The following TBC1D8B variants were observed in gnomAD, a reference collection of about 807,000 sequenced individuals.
The protein encoded by TBC1D8B is TBC1 domain family member 8B, also known as RP11-321G1.1.
In TBC1D8B, 75 loss-of-function variants were observed where a neutral mutation model predicts 82.9. The ratio of observed to expected loss-of-function variants is 0.90; its 90% CI spans 0.75 to 1.10. The LOEUF (loss-of-function observed/expected upper bound fraction) is 1.10, where lower values mean the gene tolerates loss of function less well. Among genes scored for constraint, TBC1D8B ranks in the 50% least tolerant of loss-of-function variants. The pLI, the probability that TBC1D8B is intolerant of heterozygous loss-of-function variation, is 0.00. For synonymous variants in TBC1D8B, 276 were observed against 276.8 expected, an observed-to-expected ratio of 1.00 and a Z score of 0.03; for missense variants, 794 against 796.9, an observed-to-expected ratio of 1.00 and a Z score of 0.04.
chrX:106,804,965 G>C (rs189601898), intron 1 of TBC1D8B, among the ~76,000 whole-genome samples: 1 of 108,766 alleles, frequency 9.2e-6, no homozygotes, highest in Non-Finnish European at 1.9e-5. Flanking sequence ...ATTTATTTTC[G>C]TTCCTCATAC....
chrX:106,865,679 G>T (rs992268457), intron 15 of TBC1D8B, 52 bp downstream of exon 15: 9 of 1,092,145 alleles, frequency 8.2e-6, no homozygotes, highest in African/African-American at 1.8e-5. Context: ...TAGCAGAATT[G>T]TATCACAGCC....
chrX:106,864,802 G>A (rs1210814156), intron 14 of TBC1D8B, among the ~76,000 whole-genome samples: 2 of 111,613 alleles, frequency 1.8e-5, no homozygotes, highest in Non-Finnish European at 3.8e-5. Context: ...ACAGGCATGA[G>A]CCACCATTCC....
At chrX:106,824,551 C>G (rs1931783618) in intron 5 of TBC1D8B, among the ~76,000 whole-genome samples, 1 of 111,148 alleles carries the variant, frequency 9.0e-6, no homozygotes, top group Non-Finnish European at 1.9e-5. Context: ...GATTAAGAAT[C>G]CTGTTTGTAT....
chrX:106,864,977 T>C (rs977930846), intron 14 of TBC1D8B, among the ~76,000 whole-genome samples: 6 of 112,518 alleles, frequency 5.3e-5, no homozygotes, highest in Non-Finnish European at 9.4e-5. Flanking sequence ...TACCGGGTTT[T>C]TTTAATTTTC....
rs749148459 is a variant in TBC1D8B at position 106,823,370 on chromosome X, T to C, written c.731T>C (p.Met244Thr). ...FLHINQTYLL[M>T]EQLANYAIRR... is the part of the protein sequence containing the mutation. ...CACATTAACCAAACATACCTTCTTATGGAACAGCTGGCAAACTATGCCATT... is the reference window on the plus strand; with the variant it reads ...CACATTAACCAAACATACCTTCTTACGGAACAGCTGGCAAACTATGCCATT... Residue 244 changes from methionine (M) to threonine (T), a missense_variant, in exon 5 of 21, where the codon ATG (methionine) becomes ACG (threonine). By Grantham distance (81) the Met-to-Thr change is moderately conservative. Coordinates refer to ENST00000357242, the MANE Select transcript of TBC1D8B (RefSeq NM_017752.3). 9 of 1,208,920 alleles carry C rather than the reference T, an allele frequency of 7.4e-6. No individual in the cohort carries two copies. The highest frequency in any genetic ancestry group is 8.9e-6 in the Non-Finnish European group (8 of 894,499).
intron 10 of TBC1D8B, 45 bp from the exon 11 acceptor site, chrX:106,848,141 C>T (rs769810274): frequency 8.8e-6 from 8 of 905,170 alleles, no homozygotes; most frequent in African/African-American, 2.0e-5. Flanking sequence ...ATAATTATTA[C>T]TTGAGCAATA....
chrX:106,843,175 C>A (rs1932357476), intron 10 of TBC1D8B, among the ~76,000 whole-genome samples: 1 of 110,798 alleles, frequency 9.0e-6, no homozygotes, highest in African/African-American at 3.3e-5. Flanking sequence ...TTTTTATGGA[C>A]ATTGCTTTAT....
At chrX:106,823,747 A>G (rs1417875151) in intron 5 of TBC1D8B, among the ~76,000 whole-genome samples, 1 of 112,062 alleles carries the variant, frequency 8.9e-6, no homozygotes, top group Non-Finnish European at 1.9e-5. Context: ...TTAGAAATGC[A>G]GAGATTTTTA....
At chrX:106,819,338 G>A in intron 2 of TBC1D8B, among the ~76,000 whole-genome samples, 1 of 110,788 alleles carries the variant, frequency 9.0e-6, no homozygotes, top group Non-Finnish European at 1.9e-5. Flanking sequence ...TATATTATGG[G>A]TAGAAAAGGA....
At chrX:106,843,854 T>C (rs1011635274) in intron 10 of TBC1D8B, among the ~76,000 whole-genome samples, 2 of 111,717 alleles carry the variant, frequency 1.8e-5, no homozygotes, top group African/African-American at 6.5e-5. Flanking sequence ...ATGTCTTTCC[T>C]TTTCATTTAT....
chrX:106,822,263 T>TTA, intron 4 of TBC1D8B, 61 bp downstream of exon 4: 2 of 866,427 alleles, frequency 2.3e-6, no homozygotes, highest in Non-Finnish European at 3.3e-6. Flanking sequence ...CCAACTCTAA[T>TTA]GATGTTAGGT....
chrX:106,859,853 T>C (rs746260161), intron 14 of TBC1D8B, among the ~76,000 whole-genome samples: 1 of 112,079 alleles, frequency 8.9e-6, no homozygotes, highest in Non-Finnish European at 1.9e-5. Context: ...TCTTATTATT[T>C]TGAGATACAG....
intron 1 of TBC1D8B, among the ~76,000 whole-genome samples, chrX:106,809,194 A>T (rs189924194): frequency 2.0e-4 from 22 of 112,052 alleles, no homozygotes; most frequent in African/African-American, 7.1e-4. Flanking sequence ...AGTGCCTTTT[A>T]AAAAACAAGC....
chrX:106,816,828 C>G (rs1416652189), intron 1 of TBC1D8B, among the ~76,000 whole-genome samples: 2 of 110,826 alleles, frequency 1.8e-5, no homozygotes, highest in Non-Finnish European at 3.8e-5. Context: ...TTCAGCTAAG[C>G]CAAATTTCTC....
At chrX:106,864,871 A>T (rs1015930069) in intron 14 of TBC1D8B, among the ~76,000 whole-genome samples, 1 of 111,726 alleles carries the variant, frequency 9.0e-6, no homozygotes, top group Admixed American at 9.5e-5. Context: ...CTTCTCGATG[A>T]TAGTCATTTG....
intron 8 of TBC1D8B, 131 bp downstream of exon 8, chrX:106,839,588 T>A: frequency 1.7e-6 from 1 of 575,491 alleles, no homozygotes; most frequent in Non-Finnish European, 2.5e-6. Flanking sequence ...CAGCAGGTAC[T>A]ACTGTGTAAC....
At position 106,821,832 on chromosome X, in the gene TBC1D8B, TCCC is replaced by T. The variant is rs775678796; in HGVS notation, c.361-144_361-142del. ...GAATTTTTTTCCCAAATATTTTCAA[TCCC>T]TGGTTGGTTGAATCCATGGATGAGG... On this transcript the variant is annotated intron_variant, in intron 3 of 20. Transcript: ENST00000357242. The T allele has an allele frequency of 1.7e-3, 857 of 507,106 alleles. 1 individual carries two copies. The highest frequency in any genetic ancestry group is 1.5e-3 in the Non-Finnish European group (487 of 319,660). 41.8% of individuals were successfully genotyped at this position (507,106 alleles called of 1,213,427 possible). A position where few individuals can be genotyped will look rare whatever the true frequency, so the allele number is the denominator to read the frequency against.
At chrX:106,849,366 T>G (rs900147850) in intron 11 of TBC1D8B, 83 of 1,081,517 alleles carry the variant, frequency 7.7e-5, no homozygotes, top group Non-Finnish European at 9.7e-5. Flanking sequence ...TACTACTTAC[T>G]CCTATTCCCC....
intron 6 of TBC1D8B, 24 bp downstream of exon 6, chrX:106,826,261 C>T: frequency 8.6e-7 from 1 of 1,161,696 alleles, no homozygotes; most frequent in Non-Finnish European, 1.2e-6. Context: ...GGTTACATAT[C>T]AGTTTTTAGT....
Sources: gnomAD v4.1 joint callset for allele counts (sites outside exome capture counted in the v4.1 genomes callset) on GRCh38, gnomAD v4.1.1 for gene constraint, MANE v1.5 for transcripts, NCBI Gene and HGNC (gene_info 2026-07-23, HGNC 2026-07-21) for gene names.